ROBO2: variants seen among roughly 807,000 people sequenced by gnomAD.
The protein encoded by ROBO2 is roundabout homolog 2.
A neutral mutation model predicts 160.8 loss-of-function variants in ROBO2; 53 were observed. The observed-to-expected ratio is 0.33, with a 90% CI of 0.26 to 0.41. The LOEUF (loss-of-function observed/expected upper bound fraction) is 0.41. Ranked by LOEUF, ROBO2 falls within the 10% of genes least tolerant of loss-of-function variation. ROBO2 has a pLI of 1.00. For synonymous variants in ROBO2, 664 were observed against 611.7 expected, an observed-to-expected ratio of 1.09 and a Z score of -1.26; for missense variants, 1,577 against 1,722.4, an observed-to-expected ratio of 0.92 and a Z score of 1.49.
intron 2 of ROBO2, among the ~76,000 whole-genome samples, chr3:76,486,865 C>T (rs2079525138): frequency 6.6e-6 from 1 of 152,102 alleles, no homozygotes; most frequent in African/African-American, 2.4e-5. Context: ...AACATTTTTC[C>T]TATGTGTCCT....
At chr3:77,178,307 A>C (rs146071152) in intron 2 of ROBO2, among the ~76,000 whole-genome samples, 1 of 152,084 alleles carries the variant, frequency 6.6e-6, no homozygotes, top group East Asian at 1.9e-4. Flanking sequence ...CAATGCACAA[A>C]GATACAGTGG....
chr3:77,339,607 T>A (rs2066850638), intron 2 of ROBO2, among the ~76,000 whole-genome samples: 1 of 152,076 alleles, frequency 6.6e-6, no homozygotes, highest in South Asian at 2.1e-4. Flanking sequence ...TTTGTTTGGT[T>A]TTCTCAATCT....
intron 2 of ROBO2, among the ~76,000 whole-genome samples, chr3:76,471,641 T>C (rs1179849102): frequency 1.3e-5 from 2 of 152,170 alleles, no homozygotes; most frequent in African/African-American, 2.4e-5. Context: ...ATAATAGTTT[T>C]CATCAAATTA....
At chr3:76,086,221 G>T (rs2069006953) in intron 2 of ROBO2, among the ~76,000 whole-genome samples, 1 of 152,120 alleles carries the variant, frequency 6.6e-6, no homozygotes, top group African/African-American at 2.4e-5. Flanking sequence ...TCTTCATGTG[G>T]TGGCAGCAAG....
intron 4 of ROBO2, among the ~76,000 whole-genome samples, chr3:77,483,838 C>G (rs1423501322): frequency 6.7e-6 from 1 of 149,782 alleles, no homozygotes; most frequent in African/African-American, 2.4e-5. Flanking sequence ...TTGTAAATGT[C>G]AAGAAAAACA....
intron 2 of ROBO2, among the ~76,000 whole-genome samples, chr3:77,170,916 A>C (rs2079571837): frequency 6.6e-6 from 1 of 152,150 alleles, no homozygotes; most frequent in Non-Finnish European, 1.5e-5. Flanking sequence ...AGTAAGTGCA[A>C]AATACAAGCA....
At chr3:75,997,499 C>CTTTCTTTTTTT (rs2065762102) in intron 2 of ROBO2, among the ~76,000 whole-genome samples, 1 of 126,524 alleles carries the variant, frequency 7.9e-6, no homozygotes, top group African/African-American at 2.8e-5. Flanking sequence ...TTCATCCATT[C>CTTTCTTTTTTT]TTTTTTTTTT....
intron 2 of ROBO2, among the ~76,000 whole-genome samples, chr3:77,218,002 T>C (rs987898064): frequency 6.6e-6 from 1 of 152,242 alleles, no homozygotes; most frequent in African/African-American, 2.4e-5. Context: ...CTCCTGATTA[T>C]CCATGCCAAA....
intron 2 of ROBO2, among the ~76,000 whole-genome samples, chr3:76,352,679 G>A (rs1346589246): frequency 2.0e-5 from 3 of 151,774 alleles, no homozygotes; most frequent in Admixed American, 6.6e-5. Flanking sequence ...TTGATGAAGC[G>A]GCCTTTATGT....
At chr3:76,709,322 T>G (rs73841987) in intron 2 of ROBO2, among the ~76,000 whole-genome samples, 1 of 152,196 alleles carries the variant, frequency 6.6e-6, no homozygotes, top group African/African-American at 2.4e-5. Context: ...TATCTCCATG[T>G]TTTTTGAGGC....
At chr3:77,081,628 A>T (rs1326506433) in intron 1 of ROBO2, among the ~76,000 whole-genome samples, 1 of 152,130 alleles carries the variant, frequency 6.6e-6, no homozygotes, top group East Asian at 1.9e-4. Flanking sequence ...AAGAATTTCT[A>T]TTTTTGTTAT....
intron 2 of ROBO2, among the ~76,000 whole-genome samples, chr3:76,941,561 A>T (rs532510745): frequency 1.3e-5 from 2 of 152,298 alleles, no homozygotes; most frequent in Admixed American, 1.3e-4. Flanking sequence ...GTCATCGTGC[A>T]TGTTGATGCA....
At chr3:76,617,298 T>TAA (rs1491027058) in intron 2 of ROBO2, among the ~76,000 whole-genome samples, 1 of 142,970 alleles carries the variant, frequency 7.0e-6, no homozygotes, top group Non-Finnish European at 1.5e-5. Context: ...TATATATATA[T>TAA]AAGGATTATG....
chr3:77,592,152 T>TA (rs2094195795), intron 17 of ROBO2, among the ~76,000 whole-genome samples: 1 of 152,166 alleles, frequency 6.6e-6, no homozygotes, highest in Non-Finnish European at 1.5e-5. Context: ...TAAGGGTTTT[T>TA]AAAAAAATTC....
At chr3:76,932,731 A>G (rs1171103593) in intron 2 of ROBO2, among the ~76,000 whole-genome samples, 1 of 152,208 alleles carries the variant, frequency 6.6e-6, no homozygotes, top group East Asian at 1.9e-4. Context: ...ATGTTGTATT[A>G]TGAGGAAGAC....
intron 2 of ROBO2, among the ~76,000 whole-genome samples, chr3:77,187,908 G>T (rs1366257921): frequency 6.6e-6 from 1 of 151,826 alleles, no homozygotes; most frequent in Non-Finnish European, 1.5e-5. Context: ...ATGAAAGTTG[G>T]TAGGTAATAA....
chr3:77,234,508 T>G (rs78131738), intron 2 of ROBO2, among the ~76,000 whole-genome samples: 141 of 152,154 alleles, frequency 9.3e-4, no homozygotes, highest in African/African-American at 3.3e-3. Flanking sequence ...ACAGACAATC[T>G]GCTTTTTTTT....
intron 2 of ROBO2, among the ~76,000 whole-genome samples, chr3:76,801,876 T>A (rs535629315): frequency 6.6e-6 from 1 of 152,114 alleles, no homozygotes; most frequent in Non-Finnish European, 1.5e-5. Context: ...GCCCTTAGAG[T>A]CCTTTGTAGG....
At position 77,135,138 on chromosome 3, in the gene ROBO2, T is replaced by A. The variant is rs573278560; in HGVS notation, c.388+36798T>A. On this transcript the variant is annotated intron_variant, in intron 2 of 25. Coordinates refer to ENST00000461745, the Ensembl canonical transcript of ROBO2. Reference sequence around the variant, plus strand: ...CAGCAATTACACCTCCTGACAACTCTACCAGCAGCCTTCAACATGCAAAAC... The same window carrying A: ...CAGCAATTACACCTCCTGACAACTCAACCAGCAGCCTTCAACATGCAAAAC... Among the ~76,000 whole-genome samples, 457 of 152,310 alleles carry A rather than the reference T, an allele frequency of 3.0e-3. 11 individuals are homozygous for A. The highest frequency in any genetic ancestry group is 6.0e-4 in the Non-Finnish European group (41 of 68,026).
Sources: allele counts gnomAD v4.1 joint callset (sites outside exome capture counted in the v4.1 genomes callset), GRCh38; gene constraint gnomAD v4.1.1; transcripts MANE v1.5; gene names NCBI Gene and HGNC (gene_info 2026-07-23, HGNC 2026-07-21).